SNTG1: variants seen among roughly 807,000 people sequenced by gnomAD.
The protein encoded by SNTG1 is syntrophin gamma 1, also known as gamma-1-syntrophin.
SNTG1 carries 39 observed loss-of-function variants against 74.7 expected under a neutral mutation model. That is an observed-to-expected ratio of 0.52 (90% confidence interval 0.40 to 0.68). SNTG1 has a LOEUF of 0.68. SNTG1 is among the 30% of genes least tolerant of loss of function. SNTG1 has a pLI of 0.00. For missense variants in SNTG1, 685 were observed against 609.5 expected (o/e 1.12, Z -1.30); for synonymous variants, 254 against 217.1 (o/e 1.17, Z -1.49).
intron 11 of SNTG1, among the ~76,000 whole-genome samples, chr8:50,539,936 C>T (rs1368318508): frequency 1.3e-5 from 2 of 152,114 alleles, no homozygotes; most frequent in African/African-American, 2.4e-5. Flanking sequence ...GGAGGCTTTA[C>T]GTTTTTAAAA....
intron 12 of SNTG1, among the ~76,000 whole-genome samples, chr8:50,577,192 G>A (rs2094581608): frequency 6.6e-6 from 1 of 152,076 alleles, no homozygotes; most frequent in Non-Finnish European, 1.5e-5. Flanking sequence ...AAAGAGTGTA[G>A]AATTTTGTCA....
chr8:49,920,400 G>A (rs543711367), intron 1 of SNTG1, among the ~76,000 whole-genome samples: 1 of 152,110 alleles, frequency 6.6e-6, no homozygotes, highest in South Asian at 2.1e-4. Context: ...AAAGTTAAAT[G>A]CTTCTCTATA....
chr8:50,381,640 TTATA>T (rs199655421), intron 2 of SNTG1, among the ~76,000 whole-genome samples: 5,041 of 96,614 alleles, frequency 0.052, 234 homozygotes, highest in Non-Finnish European at 0.07. Flanking sequence ...ATCCTATTAG[TTATA>T]TATATATATA....
intron 4 of SNTG1, among the ~76,000 whole-genome samples, chr8:50,431,246 T>A (rs1453587717): frequency 6.6e-6 from 1 of 152,140 alleles, no homozygotes; most frequent in Admixed American, 6.5e-5. Flanking sequence ...TATAGAATAG[T>A]TTCCTTAACA....
chr8:50,613,809 A>G (rs1166552646), intron 13 of SNTG1, among the ~76,000 whole-genome samples: 1 of 152,172 alleles, frequency 6.6e-6, no homozygotes, highest in African/African-American at 2.4e-5. Flanking sequence ...AATTGTCTTC[A>G]TTATAGGAAC....
chr8:50,232,588 G>A (rs958817538), intron 2 of SNTG1, among the ~76,000 whole-genome samples: 8 of 151,450 alleles, frequency 5.3e-5, no homozygotes, highest in Admixed American at 3.3e-4. Flanking sequence ...TTTTTAAACA[G>A]TGCGAGATGA....
At chr8:50,499,450 C>T (rs1270192871) in intron 8 of SNTG1, among the ~76,000 whole-genome samples, 4 of 149,122 alleles carry the variant, frequency 2.7e-5, no homozygotes, top group African/African-American at 9.8e-5. Context: ...GATTCTAGTG[C>T]ACTTTTTGTA....
rs757799863 is a variant in SNTG1 at position 50,536,828 on chromosome 8, T to C, written c.680+20T>C. On this transcript the variant is annotated intron_variant, in intron 11 of 18. Coordinates refer to ENST00000642720, the MANE Select transcript of SNTG1 (RefSeq NM_018967.5). The stretch of plus-strand genomic sequence containing the variant: ...GAGTCGGTGAGTCCGTGTTTAGGAG[T>C]TATGACTGTTTTGTTTATGAAAAAA... 7 of 1,611,392 alleles carry C rather than the reference T, an allele frequency of 4.3e-6. No homozygotes were observed. Among genetic ancestry groups the C allele is most frequent in the Non-Finnish European group, 5.9e-6 (7 of 1,178,890 alleles).
chr8:50,507,045 G>C (rs1484826124), intron 9 of SNTG1, among the ~76,000 whole-genome samples: 1 of 151,798 alleles, frequency 6.6e-6, no homozygotes, highest in African/African-American at 2.4e-5. Flanking sequence ...ATTGAATTTG[G>C]CAAATGCTTT....
intron 18 of SNTG1, among the ~76,000 whole-genome samples, chr8:50,781,290 T>G (rs962142119): frequency 7.9e-5 from 12 of 152,312 alleles, no homozygotes; most frequent in Admixed American, 7.2e-4. Flanking sequence ...ATCTGTCTAA[T>G]GTTGACAGTG....
chr8:50,596,332 A>G (rs1230622956), intron 13 of SNTG1, among the ~76,000 whole-genome samples: 1 of 152,040 alleles, frequency 6.6e-6, no homozygotes, highest in Non-Finnish European at 1.5e-5. Flanking sequence ...TATTTTAATG[A>G]GTCATGCTTT....
At chr8:49,915,698 G>A (rs1397780784) in intron 1 of SNTG1, among the ~76,000 whole-genome samples, 1 of 152,100 alleles carries the variant, frequency 6.6e-6, no homozygotes, top group Non-Finnish European at 1.5e-5. Flanking sequence ...ATATTGATAA[G>A]GAAACTCATA....
At chr8:50,664,479 T>C (rs1427252334) in intron 15 of SNTG1, among the ~76,000 whole-genome samples, 1 of 152,180 alleles carries the variant, frequency 6.6e-6, no homozygotes, top group Admixed American at 6.5e-5. Flanking sequence ...CTAAGACACT[T>C]ATTGAGTACT....
In SNTG1 at chr8:49,958,654, C is replaced by T. The variant is rs143715442; in HGVS notation, c.-103+46423C>T. ...CAGGCTGGTCTTGAACTGCTGACCTCGTGATCCACCCGCCTTGGCCTCCCA... is the reference window on the plus strand; with the variant it reads ...CAGGCTGGTCTTGAACTGCTGACCTTGTGATCCACCCGCCTTGGCCTCCCA... On this transcript the variant is annotated intron_variant, in intron 1 of 18. Coordinates refer to ENST00000642720, the MANE Select transcript of SNTG1 (RefSeq NM_018967.5). Among the ~76,000 whole-genome samples the T allele has an allele frequency of 3.6e-3, 546 of 152,214 alleles. 1 individual carries two copies. Among genetic ancestry groups the T allele is most frequent in the African/African-American group, 0.012 (519 of 41,548 alleles).
chr8:50,386,595 G>T (rs916388498), intron 2 of SNTG1, among the ~76,000 whole-genome samples: 1 of 152,062 alleles, frequency 6.6e-6, no homozygotes, highest in African/African-American at 2.4e-5. Flanking sequence ...TTGACTCATG[G>T]TTCTGCAGGC....
At chr8:50,618,093 G>A (rs755497511) in intron 13 of SNTG1, among the ~76,000 whole-genome samples, 7 of 151,998 alleles carry the variant, frequency 4.6e-5, no homozygotes, top group African/African-American at 7.2e-5. Flanking sequence ...ACTTATCTTC[G>A]CCTAAGTTGT....
intron 13 of SNTG1, among the ~76,000 whole-genome samples, chr8:50,626,807 G>T (rs1453825208): frequency 6.6e-6 from 1 of 152,180 alleles, no homozygotes; most frequent in Non-Finnish European, 1.5e-5. Context: ...GTGCAGCAGA[G>T]ATTTTGTTTA....
intron 1 of SNTG1, among the ~76,000 whole-genome samples, chr8:50,024,913 G>A (rs945034603): frequency 6.6e-6 from 1 of 152,046 alleles, no homozygotes; most frequent in South Asian, 2.1e-4. Flanking sequence ...GATGGCATGA[G>A]ATCTCATCAC....
chr8:50,411,969 A>G (rs114498285), intron 4 of SNTG1, among the ~76,000 whole-genome samples: 148 of 152,276 alleles, frequency 9.7e-4, no homozygotes, highest in African/African-American at 3.4e-3. Flanking sequence ...TGATTAGGAT[A>G]GACAGAACAG....
Sources: gnomAD v4.1 joint callset for allele counts (sites outside exome capture counted in the v4.1 genomes callset) on GRCh38, gnomAD v4.1.1 for gene constraint, MANE v1.5 for transcripts, NCBI Gene and HGNC (gene_info 2026-07-23, HGNC 2026-07-21) for gene names.